The following GC variants were observed in gnomAD, a reference collection of about 807,000 sequenced individuals.
GC encodes vitamin D-binding protein.
GC carries 43 observed loss-of-function variants against 56.7 expected under a neutral mutation model. The ratio of observed to expected loss-of-function variants is 0.76; its 90% confidence interval spans 0.59 to 0.98. The LOEUF is 0.98. GC is among the 50% of genes least tolerant of loss of function. GC has a pLI of 0.00. For missense variants in GC, 529 were observed against 545.9 expected (o/e 0.97, Z 0.31); for synonymous variants, 216 against 202.7 (o/e 1.07, Z -0.56).
intron 11 of GC, among the ~76,000 whole-genome samples, chr4:71,749,974 G>GA (rs1315314396): frequency 1.3e-5 from 2 of 152,094 alleles, no homozygotes; most frequent in African/African-American, 4.8e-5. Context: ...GAAGAAATTA[G>GA]AAAAAGATGT....
At chr4:71,794,819 A>G (rs1032433959) in intron 1 of GC, among the ~76,000 whole-genome samples, 3 of 152,118 alleles carry the variant, frequency 2.0e-5, no homozygotes, top group Admixed American at 6.5e-5. Flanking sequence ...CCCGCTACAT[A>G]CTGCTTTAAA....
rs942610985 is a variant in GC, at chr4:71,754,506, G to A, written c.1167C>T (p.Gly389=). Residue 389 remains glycine (G), a splice_region_variant and synonymous_variant, in exon 10 of 13, where the codon GGC becomes GGT. Transcript: ENST00000273951. ...AAGATAGTTCCTTCTTTAGTAGAGG[G>A]CCCTGTAAGAAAACAATAATTGCAT... ...EDSTTCFNAK[G]PLLKKELSSF... 3 of 1,488,516 alleles carry A rather than the reference G, an allele frequency of 2.0e-6. No individual in the cohort carries two copies. The Admixed American group carries it at 5.1e-5, about 25-fold the overall frequency. The allele number at this position is 1,488,516 out of a possible 1,614,324, so 92.2% of individuals were successfully genotyped here.
intron 1 of GC, 148 bp from the exon 2 acceptor site, chr4:71,769,548 T>C (rs949762429): frequency 8.5e-6 from 5 of 587,874 alleles, no homozygotes; most frequent in African/African-American, 1.9e-5. Flanking sequence ...TTTGGGGGCC[T>C]TTCTAGCTCT....
chr4:71,749,026 G>A, intron 11 of GC, among the ~76,000 whole-genome samples: 1 of 152,162 alleles, frequency 6.6e-6, no homozygotes, highest in East Asian at 1.9e-4. Context: ...AGAGAATGCT[G>A]TTCAAACAGA....
rs369015898 is a variant in GC, at chr4:71,755,048, A to G, written c.1094T>C (p.Leu365Pro). Residue 365 changes from leucine (L) to proline (P), a missense_variant, in exon 9 of 13, where the codon CTT becomes CCT. By Grantham distance (98) the Leu-to-Pro change is moderately conservative. Coordinates refer to ENST00000273951, the MANE Select transcript of GC (RefSeq NM_000583.4). ...HLPEVFLSKV[L>P]EPTLKSLGEC... is the part of the protein sequence containing the mutation. ...ACCAAGGCTTTTTAGGGTTGGCTCA[A>G]GTACCTTACTGAGGAATACTTCCGG... 1.3e-6 allele frequency: 2 copies of G among 1,596,776 alleles called. No individual in the cohort carries two copies. Among genetic ancestry groups the G allele is most frequent in the East Asian group, 2.2e-5 (1 of 44,530 alleles).
intron 1 of GC, among the ~76,000 whole-genome samples, chr4:71,797,310 C>T (rs1435471866): frequency 6.6e-6 from 1 of 152,266 alleles, no homozygotes; most frequent in Non-Finnish European, 1.5e-5. Context: ...TCTGTAGAGG[C>T]AGTAGGCCTT....
chr4:71,801,997 T>C (rs1277210075), intron 1 of GC, among the ~76,000 whole-genome samples: 1 of 152,074 alleles, frequency 6.6e-6, no homozygotes, highest in Non-Finnish European at 1.5e-5. Context: ...AGGTTAATTA[T>C]TCTCTAATTT....
chr4:71,791,352 C>T (rs2149308887), intron 1 of GC, among the ~76,000 whole-genome samples: 1 of 152,000 alleles, frequency 6.6e-6, no homozygotes, highest in Non-Finnish European at 1.5e-5. Context: ...TCATTGCTGT[C>T]CTGTGGGTAG....
intron 11 of GC, among the ~76,000 whole-genome samples, chr4:71,748,644 G>C (rs1424953645): frequency 6.6e-6 from 1 of 152,078 alleles, no homozygotes; most frequent in South Asian, 2.1e-4. Context: ...AGGCAAATGG[G>C]TCTTTTTTGG....
intron 12 of GC, among the ~76,000 whole-genome samples, chr4:71,742,343 A>AT (rs765436699): frequency 4.0e-4 from 61 of 152,174 alleles, no homozygotes; most frequent in Admixed American, 3.9e-4. Context: ...GTCTCCCTTA[A>AT]TTTTTTCCCT....
At chr4:71,770,972 G>A (rs1742323009) in intron 1 of GC, among the ~76,000 whole-genome samples, 1 of 152,080 alleles carries the variant, frequency 6.6e-6, no homozygotes, top group Non-Finnish European at 1.5e-5. Context: ...TAATAGGGCG[G>A]ACACATCAAA....
chr4:71,765,705 C>T, intron 3 of GC, 62 bp from the exon 4 acceptor site: 1 of 983,738 alleles, frequency 1.0e-6, no homozygotes, highest in Non-Finnish European at 1.6e-6. Context: ...TTTAGACTTC[C>T]ATTTAATATA....
chr4:71,765,579 G>A lies in GC; in HGVS notation c.326C>T (p.Ala109Val). ...NSPFPVHPGT[A>V]ECCTKEGLER... ...CAGGCCCTCTTTGGTGCAGCACTCAGCAGTGCCTGGGTGAACGGGGAATGG... is the reference window on the plus strand; with the variant it reads ...CAGGCCCTCTTTGGTGCAGCACTCAACAGTGCCTGGGTGAACGGGGAATGG... Residue 109 changes from alanine to valine, a missense_variant, in exon 4 of 13, where the codon GCT becomes GTT. By Grantham distance (64) the Ala-to-Val change is moderately conservative. Transcript: ENST00000273951. The A allele has an allele frequency of 1.2e-6, 2 of 1,613,576 alleles. No individual in the cohort carries two copies. The highest frequency in any genetic ancestry group is 2.2e-5 in the East Asian group (1 of 44,876).
intron 6 of GC, among the ~76,000 whole-genome samples, chr4:71,762,588 T>C (rs558749087): frequency 3.3e-5 from 5 of 152,234 alleles, no homozygotes; most frequent in East Asian, 3.9e-4. Flanking sequence ...CCCACACAAA[T>C]CTCATCTTGA....
chr4:71,743,622 G>T (rs1481954551), intron 12 of GC, among the ~76,000 whole-genome samples: 1 of 152,160 alleles, frequency 6.6e-6, no homozygotes, highest in Admixed American at 6.5e-5. Context: ...CAATGAGTTG[G>T]TTGTGTTCTG....
chr4:71,752,685 T>A lies in GC; in HGVS notation c.1263-35A>T, dbSNP rs201870624. 1,239 of 1,568,860 alleles carry A rather than the reference T, an allele frequency of 7.9e-4. 1 individual carries two copies. Among genetic ancestry groups the A allele is most frequent in the Non-Finnish European group, 9.5e-4 (1,095 of 1,150,004 alleles). Reference sequence around the variant, plus strand: ...CATTTAAATGTAAGGTCTTACTACATGTATTTATTTTATACAAATTTCTAA... The same window carrying A: ...CATTTAAATGTAAGGTCTTACTACAAGTATTTATTTTATACAAATTTCTAA... On this transcript the variant is annotated intron_variant, in intron 10 of 12. Coordinates refer to ENST00000273951, the MANE Select transcript of GC (RefSeq NM_000583.4).
Position 71,756,828 on chromosome 4 carries a change from C to G in GC, c.918G>C (p.Met306Ile). 1 of 1,613,314 alleles carries G rather than the reference C, an allele frequency of 6.2e-7. No homozygotes were observed. Among genetic ancestry groups the G allele is most frequent in the Non-Finnish European group, 8.5e-7 (1 of 1,179,308 alleles). ...FEDCCQEKTA[M>I]DVFVCTYFMP... Reference sequence around the variant, plus strand: ...TGAAGTAAGTGCACACAAAAACGTCCATGGCTGTTTTTTCTTGACAACAGT... The same window carrying G: ...TGAAGTAAGTGCACACAAAAACGTCGATGGCTGTTTTTTCTTGACAACAGT... Residue 306 changes from methionine (M) to isoleucine (I), a missense_variant, in exon 8 of 13, where the codon ATG (methionine) becomes ATC (isoleucine). Coordinates refer to ENST00000273951, the MANE Select transcript of GC (RefSeq NM_000583.4).
chr4:71,767,263 T>C (rs960858568), intron 3 of GC, among the ~76,000 whole-genome samples: 1 of 152,210 alleles, frequency 6.6e-6, no homozygotes, highest in African/African-American at 2.4e-5. Flanking sequence ...GAGACAAATC[T>C]GTCTGTAAAA....
chr4:71,803,007 C>A (rs191245609), intron 1 of GC, among the ~76,000 whole-genome samples: 1 of 152,028 alleles, frequency 6.6e-6, no homozygotes, highest in African/African-American at 2.4e-5. Flanking sequence ...AGTCAGGGAC[C>A]GTCTGTATTC....
Sources: gnomAD v4.1 joint callset for allele counts (sites outside exome capture counted in the v4.1 genomes callset) on GRCh38, gnomAD v4.1.1 for gene constraint, MANE v1.5 for transcripts, NCBI Gene and HGNC (gene_info 2026-07-23, HGNC 2026-07-21) for gene names.